The following SLC22A3 variants were observed in gnomAD, a reference collection of about 807,000 sequenced individuals.
SLC22A3 encodes solute carrier family 22 member 3.
Under a neutral mutation model 59.1 loss-of-function variants are expected in SLC22A3, and 51 were observed. The ratio of observed to expected loss-of-function variants is 0.86; its 90% CI spans 0.69 to 1.09. The LOEUF (loss-of-function observed/expected upper bound fraction) is 1.09, where lower values mean the gene tolerates loss of function less well. SLC22A3 is among the 50% of genes least tolerant of loss of function. The pLI is 0.00. For missense variants in SLC22A3, 711 were observed against 726.3 expected (o/e 0.98, Z 0.24); for synonymous variants, 325 against 292.0 (o/e 1.11, Z -1.15).
intron 3 of SLC22A3, 30 bp from the exon 4 acceptor site, chr6:160,408,723 C>T: frequency 6.2e-7 from 1 of 1,611,504 alleles, no homozygotes; most frequent in East Asian, 2.2e-5. Context: ...CCTTGTGCTT[C>T]TGTGACCTCT....
At chr6:160,441,583 A>C (rs1788540570) in intron 7 of SLC22A3, among the ~76,000 whole-genome samples, 2 of 146,960 alleles carry the variant, frequency 1.4e-5, no homozygotes, top group Non-Finnish European at 3.0e-5. Flanking sequence ...CTCCTGGGCA[A>C]TTGTTTTATT....
intron 1 of SLC22A3, among the ~76,000 whole-genome samples, chr6:160,357,454 G>T (rs1322825735): frequency 6.6e-6 from 1 of 152,210 alleles, no homozygotes; most frequent in Non-Finnish European, 1.5e-5. Flanking sequence ...TGTGCTTCCA[G>T]GCTAGTGGGG....
intron 1 of SLC22A3, among the ~76,000 whole-genome samples, chr6:160,357,270 A>T (rs939457913): frequency 1.6e-4 from 25 of 152,230 alleles, no homozygotes; most frequent in Admixed American, 1.2e-3. Context: ...GTGATAAGCA[A>T]GTCTTTGGCT....
intron 1 of SLC22A3, among the ~76,000 whole-genome samples, chr6:160,382,066 G>A (rs1044322517): frequency 3.3e-5 from 5 of 152,162 alleles, no homozygotes; most frequent in African/African-American, 9.7e-5. Context: ...TGTAGGTATT[G>A]TATTATATTA....
chr6:160,446,314 C>G (rs566062961), intron 9 of SLC22A3, among the ~76,000 whole-genome samples: 69 of 152,316 alleles, frequency 4.5e-4, no homozygotes, highest in Non-Finnish European at 6.9e-4. Flanking sequence ...GCACCTCCCA[C>G]TCACCAGGGC....
chr6:160,412,726 C>T (rs1787307560), intron 5 of SLC22A3, among the ~76,000 whole-genome samples: 1 of 152,136 alleles, frequency 6.6e-6, no homozygotes, highest in Non-Finnish European at 1.5e-5. Flanking sequence ...CTATAGTCCT[C>T]ATAGCCAGGT....
chr6:160,387,359 C>A (rs929080022), intron 1 of SLC22A3, among the ~76,000 whole-genome samples: 1 of 152,152 alleles, frequency 6.6e-6, no homozygotes, highest in African/African-American at 2.4e-5. Context: ...AGGAGTCTGA[C>A]CCCCGGCTTT....
chr6:160,348,387 C>T lies in SLC22A3; in HGVS notation c.-33C>T, dbSNP rs1037925509. The T allele has an allele frequency of 7.7e-6, 11 of 1,427,314 alleles. No individual in the cohort carries two copies. The highest frequency in any genetic ancestry group is 1.0e-5 in the Non-Finnish European group (11 of 1,098,492). 88.4% of individuals were successfully genotyped at this position (1,427,314 alleles called of 1,614,324 possible). ...GCTGGGTCCGCGGGTCACTCCGAGG[C>T]GCGGGCTGCGGGCGGCGGGCGGCGG... is the stretch of plus-strand genomic sequence containing the variant. On this transcript the variant is annotated 5_prime_UTR_variant, in exon 1 of 11. Coordinates refer to ENST00000275300, the MANE Select transcript of SLC22A3 (RefSeq NM_021977.4).
chr6:160,447,804 A>G lies in SLC22A3; in HGVS notation c.1596A>G (p.Val532=). ...CCTTGCCAGAGACAGTGGATGATGT[A>G]GAAAAACTTGGCAGGTACTGTACAA... ...GIALPETVDD[V]EKLGSPHSCK... The change falls in exon 10 of 11, where the codon GTA becomes GTG. Residue 532 remains valine (V), a synonymous_variant. Transcript: ENST00000275300. 6.2e-7 allele frequency: 1 copy of G among 1,614,012 alleles called. No homozygotes were observed. Among genetic ancestry groups the G allele is most frequent in the South Asian group, 1.1e-5 (1 of 91,084 alleles).
At chr6:160,431,901 C>T (rs1788163267) in intron 5 of SLC22A3, among the ~76,000 whole-genome samples, 1 of 152,128 alleles carries the variant, frequency 6.6e-6, no homozygotes, top group South Asian at 2.1e-4. Context: ...CTAGCAACAG[C>T]AGCATTCAGG....
At chr6:160,369,647 A>G (rs1785329209) in intron 1 of SLC22A3, among the ~76,000 whole-genome samples, 1 of 152,252 alleles carries the variant, frequency 6.6e-6, no homozygotes, top group South Asian at 2.1e-4. Flanking sequence ...TCTAACAAAT[A>G]TAACACATGT....
intron 1 of SLC22A3, among the ~76,000 whole-genome samples, chr6:160,367,413 G>C (rs2114765577): frequency 6.6e-6 from 1 of 152,232 alleles, no homozygotes; most frequent in African/African-American, 2.4e-5. Flanking sequence ...ATGAGATTTG[G>C]GTGGACACAG....
At chr6:160,419,720 C>G (rs1435106622) in intron 5 of SLC22A3, among the ~76,000 whole-genome samples, 2 of 152,170 alleles carry the variant, frequency 1.3e-5, no homozygotes, top group Non-Finnish European at 2.9e-5. Context: ...CCAGCAAAGC[C>G]TTCATCTTTA....
At chr6:160,420,458 C>T (rs904519323) in intron 5 of SLC22A3, among the ~76,000 whole-genome samples, 3 of 152,186 alleles carry the variant, frequency 2.0e-5, no homozygotes, top group Non-Finnish European at 2.9e-5. Flanking sequence ...GAAAACTATT[C>T]GTCAGAACTG....
chr6:160,367,158 G>A (rs1470713064), intron 1 of SLC22A3, among the ~76,000 whole-genome samples: 2 of 152,178 alleles, frequency 1.3e-5, no homozygotes, highest in Admixed American at 6.5e-5. Flanking sequence ...ATTGACTCAT[G>A]GTTCTGCAGG....
intron 1 of SLC22A3, among the ~76,000 whole-genome samples, chr6:160,369,514 G>A (rs1451806064): frequency 2.0e-5 from 3 of 152,266 alleles, no homozygotes; most frequent in Middle Eastern, 3.4e-3. Flanking sequence ...AAAGTAAAAT[G>A]TAAATATCTT....
intron 5 of SLC22A3, among the ~76,000 whole-genome samples, chr6:160,417,172 C>T (rs1008727421): frequency 6.6e-5 from 10 of 152,172 alleles, no homozygotes; most frequent in Admixed American, 2.0e-4. Flanking sequence ...GACTTGATTG[C>T]GCCCAAGGAG....
At chr6:160,378,717 G>T (rs1785686123) in intron 1 of SLC22A3, among the ~76,000 whole-genome samples, 1 of 152,172 alleles carries the variant, frequency 6.6e-6, no homozygotes, top group African/African-American at 2.4e-5. Context: ...TCATAGCTTA[G>T]CCCAGCCTAC....
chr6:160,431,729 A>G (rs575823773), intron 5 of SLC22A3, among the ~76,000 whole-genome samples: 1 of 151,948 alleles, frequency 6.6e-6, no homozygotes, highest in South Asian at 2.1e-4. Flanking sequence ...TATTTTAACT[A>G]TTTGCTAAAA....
Sources: gnomAD v4.1 joint callset for allele counts (sites outside exome capture counted in the v4.1 genomes callset) on GRCh38, gnomAD v4.1.1 for gene constraint, MANE v1.5 for transcripts, NCBI Gene and HGNC (gene_info 2026-07-23, HGNC 2026-07-21) for gene names.